The following PER2 variants were observed in gnomAD, a reference collection of about 807,000 sequenced individuals.
The protein encoded by PER2 is period circadian protein homolog 2.
Under a neutral mutation model 121.0 loss-of-function variants are expected in PER2, and 66 were observed. The observed-to-expected ratio is 0.55, with a 90% confidence interval of 0.45 to 0.67. The LOEUF (loss-of-function observed/expected upper bound fraction) is 0.67. Ranked by LOEUF, PER2 falls within the 30% of genes least tolerant of loss-of-function variation. The pLI is 0.00. For missense variants in PER2, 1,521 were observed against 1,635.0 expected (o/e 0.93, Z 1.20); for synonymous variants, 684 against 659.9 (o/e 1.04, Z -0.56).
rs554453059 is a variant in PER2, at chr2:238,253,254, G to A, written c.2769C>T (p.Ala923=). Residue 923 remains alanine, a synonymous_variant, in exon 19 of 23, where the codon GCC becomes GCT. Transcript: ENST00000254657. The surrounding 1 kb of genome is among the most constrained non-coding windows in gnomAD (Gnocchi z 5.6). ...GAAACTGAGGCTGGCTGGGGAAGAA[G>A]GCCTGGGGCAGGTTTGGGGTCCCCG... ...FPSGTPNLPQ[A]FFPSQPQFPS... 54 of 1,607,070 alleles carry A rather than the reference G, an allele frequency of 3.4e-5. 1 individual carries two copies. In the South Asian group the frequency reaches 5.7e-4, roughly 17 times the overall value.
Position 238,253,133 on chromosome 2 carries a change from C to T in PER2, c.2890G>A (p.Ala964Thr). 1 of 1,602,702 alleles carries T rather than the reference C, an allele frequency of 6.2e-7. No individual in the cohort carries two copies. Among genetic ancestry groups the T allele is most frequent in the Non-Finnish European group, 8.5e-7 (1 of 1,171,684 alleles). The change falls in exon 19 of 23, where the codon GCC (alanine) becomes ACC (threonine). Residue 964 changes from alanine (A) to threonine (T), a missense_variant. Ala to Thr is a moderately conservative substitution (Grantham distance 58). Transcript: ENST00000254657. The surrounding 1 kb of genome is among the most constrained non-coding windows in gnomAD (Gnocchi z 5.6). ...SIPRQPCACP[A>T]TRATPPSAMG... is the part of the protein sequence containing the mutation. ...GCCGATGGTGGGGTGGCCCGGGTGG[C>T]TGGACAAGCACATGGCTGTCTGGGG...
At position 238,268,591 on chromosome 2, in the gene PER2, A is replaced by G. The variant is rs1264441006; in HGVS notation, c.824+332T>C. Among the ~76,000 whole-genome samples the G allele has an allele frequency of 1.3e-5, 2 of 152,234 alleles. No individual in the cohort carries two copies. Among genetic ancestry groups the G allele is most frequent in the Non-Finnish European group, 2.9e-5 (2 of 68,042 alleles). On this transcript the variant is annotated intron_variant, in intron 7 of 22. Coordinates refer to ENST00000254657, the MANE Select transcript of PER2 (RefSeq NM_022817.3). This position sits in a 1 kb window ranked among gnomAD's most constrained non-coding sequence, Gnocchi z 4.0. ...TTTGGACCAAGACCCTTGTCGGGAA[A>G]GCTACGGGTCTCTCCCCAGAAAAAC...
At chr2:238,260,163 A>C in intron 13 of PER2, 110 bp from the exon 14 acceptor site, 2 of 656,858 alleles carry the variant, frequency 3.0e-6, no homozygotes, top group Non-Finnish European at 5.6e-6. Context: ...ACACAGAAGG[A>C]AACTGTGGAT....
At chr2:238,286,675 T>TA (rs1696798720) in intron 1 of PER2, among the ~76,000 whole-genome samples, 1 of 152,110 alleles carries the variant, frequency 6.6e-6, no homozygotes, top group South Asian at 2.1e-4. Flanking sequence ...TTTCAAAAGG[T>TA]AAAAGCACAC....
chr2:238,271,930 C>T (rs1255905186), intron 5 of PER2, among the ~76,000 whole-genome samples: 1 of 152,050 alleles, frequency 6.6e-6, no homozygotes, highest in Non-Finnish European at 1.5e-5. Context: ...CAGAGAGATT[C>T]CAGCCCCGCC....
At chr2:238,280,761 C>T (rs1213012677) in intron 1 of PER2, among the ~76,000 whole-genome samples, 2 of 152,070 alleles carry the variant, frequency 1.3e-5, no homozygotes, top group East Asian at 1.9e-4. Flanking sequence ...AAAACAGAAA[C>T]CATAATGAGC....
intron 1 of PER2, among the ~76,000 whole-genome samples, chr2:238,279,901 A>T (rs1696579417): frequency 6.6e-6 from 1 of 152,190 alleles, no homozygotes; most frequent in South Asian, 2.1e-4. Flanking sequence ...ACCCCTGAGG[A>T]AGTGGCTAGT....
At position 238,253,278 on chromosome 2, in the gene PER2, C is replaced by T. The variant is rs371760410; in HGVS notation, c.2745G>A (p.Ser915=). 4.2e-5 allele frequency: 68 copies of T among 1,611,154 alleles called. No individual in the cohort carries two copies. Among genetic ancestry groups the T allele is most frequent in the African/African-American group, 2.9e-4 (22 of 74,890 alleles). The change falls in exon 19 of 23, where the codon TCG becomes TCA. Residue 915 remains serine (S), a synonymous_variant. Coordinates refer to ENST00000254657, the MANE Select transcript of PER2 (RefSeq NM_022817.3). This position sits in a 1 kb window ranked among gnomAD's most constrained non-coding sequence, Gnocchi z 5.6. ...AGGCCTGGGGCAGGTTTGGGGTCCC[C>T]GAGGGGAAGGAATAACTGGGTAGCA... ...AFMLPSYSFP[S]GTPNLPQAFF...
chr2:238,271,515 T>C lies in PER2; in HGVS notation c.571-2A>G, dbSNP rs1191825634. 6.2e-7 allele frequency: 1 copy of C among 1,609,494 alleles called. No individual in the cohort carries two copies. On this transcript the variant is annotated splice_acceptor_variant, in intron 5 of 22. Coordinates refer to ENST00000254657, the MANE Select transcript of PER2 (RefSeq NM_022817.3). LOFTEE classifies it high-confidence loss of function. ...GGACACGGCCACCGCAAACATATCC[T>C]GAAAAGGAAGAGTAGGGCTCTGATG...
At chr2:238,292,234 A>AAT (rs530693186), upstream of PER2, among the ~76,000 whole-genome samples, 135 of 152,356 alleles carry the variant, frequency 8.9e-4, no homozygotes, top group Middle Eastern at 3.4e-3. Context: ...TTTTAAACTA[A>AAT]ATATAGATCC....
chr2:238,262,987 C>T lies in PER2; in HGVS notation c.1118G>A (p.Ser373Asn). ...ETPVLVQLHP[S>N]DRPLMLAIHK... is the part of the protein sequence containing the mutation. Reference sequence around the variant, plus strand: ...GATGGCCAGCATCAAGGGCCTGTCACTAGGGTGGAGCTGCACGAGCACTGG... The same window carrying T: ...GATGGCCAGCATCAAGGGCCTGTCATTAGGGTGGAGCTGCACGAGCACTGG... The change falls in exon 10 of 23, where the codon AGT (serine) becomes AAT (asparagine). Residue 373 changes from serine (S) to asparagine (N), a missense_variant. By Grantham distance (46) the Ser-to-Asn change is conservative (BLOSUM62 1). Transcript: ENST00000254657. The T allele has an allele frequency of 2.5e-6, 4 of 1,613,972 alleles. No individual in the cohort carries two copies. The highest frequency in any genetic ancestry group is 3.4e-6 in the Non-Finnish European group (4 of 1,179,842).
the PER2 span, chr2:238,298,700 G>A: frequency 2.0e-5 from 3 of 152,224 alleles, no homozygotes; most frequent in Admixed American, 6.5e-5. Flanking sequence ...ACACAGTGGC[G>A]TTATGATTAC....
chr2:238,252,886 G>C lies in PER2; in HGVS notation c.3111+26C>G, dbSNP rs762255603. On this transcript the variant is annotated intron_variant, in intron 19 of 22. Transcript: ENST00000254657. This position sits in a 1 kb window ranked among gnomAD's most constrained non-coding sequence, Gnocchi z 4.2. The stretch of plus-strand genomic sequence containing the variant: ...GGTGTGCTGTTTGCTGCCTGCTTTG[G>C]GGAAAGAGCATCAGAAAATCCTTAC... 7.5e-6 allele frequency: 12 copies of C among 1,605,400 alleles called. No individual in the cohort carries two copies. In the African/African-American group the frequency reaches 1.6e-4, roughly 21 times the overall value.
At chr2:238,284,270 C>T (rs1267514530) in intron 1 of PER2, among the ~76,000 whole-genome samples, 2 of 151,904 alleles carry the variant, frequency 1.3e-5, no homozygotes, top group Non-Finnish European at 1.5e-5. Context: ...TGGTGAAACC[C>T]GTCTCTACTA....
chr2:238,276,931 T>C (rs1276774231), intron 3 of PER2, among the ~76,000 whole-genome samples, 200 bp downstream of exon 3: 8 of 152,124 alleles, frequency 5.3e-5, no homozygotes, highest in Admixed American at 3.9e-4. Flanking sequence ...TGGAGCGACA[T>C]CCCGGGGGCT....
chr2:238,291,251 T>C (rs980018587), upstream of PER2, among the ~76,000 whole-genome samples: 4 of 152,172 alleles, frequency 2.6e-5, no homozygotes, highest in Admixed American at 6.5e-5. Context: ...TGGCCCCTGC[T>C]CCACCCACTC....
chr2:238,292,883 G>A (rs920787508), upstream of PER2, among the ~76,000 whole-genome samples: 13 of 151,402 alleles, frequency 8.6e-5, no homozygotes, highest in Admixed American at 2.6e-4. Context: ...GATTACAGGC[G>A]CACGTAACCA....
At chr2:238,296,083 T>TGTGACCACGGACACGGG in the PER2 span, among the ~76,000 whole-genome samples, 3 of 57,176 alleles carry the variant, frequency 5.2e-5, no homozygotes, top group African/African-American at 7.4e-5. Context: ...TCGTGTGCCC[T>TGTGACCACGGACACGGG]CCTGCTGCAG....
intron 1 of PER2, among the ~76,000 whole-genome samples, chr2:238,284,441 C>CAA (rs199867354): frequency 0.13 from 10,413 of 82,884 alleles, 441 homozygotes; most frequent in Middle Eastern, 0.2. Context: ...GACTCTATCT[C>CAA]AAAAAAAAAA....
Sources: allele counts gnomAD v4.1 joint callset (sites outside exome capture counted in the v4.1 genomes callset), GRCh38; gene constraint gnomAD v4.1.1; non-coding constraint Gnocchi (gnomAD v3.1); transcripts MANE v1.5; gene names NCBI Gene and HGNC (gene_info 2026-07-23, HGNC 2026-07-21).